Variants in CNTN5 observed in about 807,000 individuals in gnomAD.
The protein encoded by CNTN5 is contactin 5, also known as contactin-5.
Under a neutral mutation model 129.1 loss-of-function variants are expected in CNTN5, and 77 were observed. The observed-to-expected ratio is 0.60, with a 90% CI of 0.50 to 0.72. CNTN5 has a LOEUF of 0.72. CNTN5 is among the 30% of genes least tolerant of loss of function. CNTN5 has a pLI of 0.00. For missense variants in CNTN5, 1,478 were observed against 1,328.8 expected, an observed-to-expected ratio of 1.11 and a Z score of -1.75; for synonymous variants, 509 against 465.6, an observed-to-expected ratio of 1.09 and a Z score of -1.20.
chr11:99,885,944 C>T (rs889501851), intron 6 of CNTN5, among the ~76,000 whole-genome samples: 1 of 152,076 alleles, frequency 6.6e-6, no homozygotes, highest in Non-Finnish European at 1.5e-5. Context: ...TAATCATTAA[C>T]TTAAAACATT....
intron 1 of CNTN5, among the ~76,000 whole-genome samples, chr11:99,090,756 C>A (rs1866209913): frequency 6.7e-6 from 1 of 148,766 alleles, no homozygotes. Flanking sequence ...GGCGCGGTGG[C>A]TCACGCCTGT....
chr11:99,162,815 T>TATAA (rs1860680261), intron 1 of CNTN5, among the ~76,000 whole-genome samples: 1 of 152,198 alleles, frequency 6.6e-6, no homozygotes, highest in Non-Finnish European at 1.5e-5. Context: ...CTTGATACTG[T>TATAA]ATAAATAAAT....
intron 16 of CNTN5, among the ~76,000 whole-genome samples, chr11:100,230,293 A>G (rs996646951): frequency 4.6e-5 from 7 of 152,138 alleles, no homozygotes; most frequent in Non-Finnish European, 1.0e-4. Flanking sequence ...TATTGCTATT[A>G]TTGTATGGGA....
In CNTN5 at chr11:100,356,242, T is replaced by G. The variant is rs1241463482; in HGVS notation, c.*22T>G. 2.0e-6 allele frequency: 3 copies of G among 1,508,180 alleles called. No homozygotes were observed. The highest frequency in any genetic ancestry group is 1.8e-6 in the Non-Finnish European group (2 of 1,092,994). 93.4% of individuals were successfully genotyped at this position (1,508,180 alleles called of 1,614,324 possible). A position where few individuals can be genotyped will look rare whatever the true frequency, so the allele number is the denominator to read the frequency against. On this transcript the variant is annotated 3_prime_UTR_variant, in exon 25 of 25. Coordinates refer to ENST00000524871, the MANE Select transcript of CNTN5 (RefSeq NM_014361.4). ...GTGAAAACTGCTGACTTAATTTGCT[T>G]TTGTTTGCTTTAGCTTGGTAACAGC... is the stretch of plus-strand genomic sequence containing the variant.
At position 99,204,343 on chromosome 11, in the gene CNTN5, G is replaced by T. The variant is rs909561210; in HGVS notation, c.-209-121003G>T. Among the ~76,000 whole-genome samples the T allele has an allele frequency of 2.0e-5, 3 of 152,060 alleles. No homozygotes were observed. In the South Asian group the frequency reaches 6.2e-4, roughly 31 times the overall value. On this transcript the variant is annotated intron_variant, in intron 1 of 24. Coordinates refer to ENST00000524871, the MANE Select transcript of CNTN5 (RefSeq NM_014361.4). ...ATACCCCAAATTAATATAGTGTATTGCTCTCCACCTGATACTGTTTTTTGC... is the reference window on the plus strand; with the variant it reads ...ATACCCCAAATTAATATAGTGTATTTCTCTCCACCTGATACTGTTTTTTGC...
intron 13 of CNTN5, among the ~76,000 whole-genome samples, chr11:100,149,416 C>A (rs530626553): frequency 2.6e-5 from 4 of 152,058 alleles, no homozygotes; most frequent in Non-Finnish European, 5.9e-5. Context: ...TCTTTGTGAT[C>A]CATTCTGTTG....
chr11:100,092,719 C>T (rs1482301520), intron 13 of CNTN5, among the ~76,000 whole-genome samples: 2 of 152,130 alleles, frequency 1.3e-5, no homozygotes, highest in Non-Finnish European at 2.9e-5. Context: ...TTCCCCCATA[C>T]TGAGATCAAT....
intron 3 of CNTN5, among the ~76,000 whole-genome samples, chr11:99,814,573 C>T (rs1042305557): frequency 2.7e-5 from 4 of 149,772 alleles, no homozygotes; most frequent in Non-Finnish European, 4.4e-5. Flanking sequence ...GAGAGTTAGC[C>T]TGGGAAAAAA....
chr11:99,665,644 G>A (rs1305870806), intron 3 of CNTN5, among the ~76,000 whole-genome samples: 1 of 151,532 alleles, frequency 6.6e-6, no homozygotes, highest in Non-Finnish European at 1.5e-5. Context: ...CCAGCAACTT[G>A]CCCGGCTAAT....
chr11:99,904,753 C>A (rs1036407676), intron 6 of CNTN5, among the ~76,000 whole-genome samples: 1 of 152,132 alleles, frequency 6.6e-6, no homozygotes, highest in Non-Finnish European at 1.5e-5. Context: ...TTTACACTCC[C>A]ACCAACAGTG....
In CNTN5 at chr11:100,237,205, A is replaced by G. The variant is rs867303656; in HGVS notation, c.2005+12393A>G. Among the ~76,000 whole-genome samples the G allele has an allele frequency of 8.7e-5, 13 of 150,204 alleles. No homozygotes were observed. In the East Asian group the frequency reaches 1.2e-3, roughly 14 times the overall value. On this transcript the variant is annotated intron_variant, in intron 16 of 24. Transcript: ENST00000524871. Reference sequence around the variant, plus strand: ...CTCCGTCTCAAAAAAAAAAAAAAAAAAAAGAAAAGAAAGAATTCAAGTTCC... The same window carrying G: ...CTCCGTCTCAAAAAAAAAAAAAAAAGAAAGAAAAGAAAGAATTCAAGTTCC...
At chr11:99,885,047 G>C (rs1948866086) in intron 6 of CNTN5, among the ~76,000 whole-genome samples, 1 of 152,090 alleles carries the variant, frequency 6.6e-6, no homozygotes, top group Non-Finnish European at 1.5e-5. Context: ...CTCTGGGGGG[G>C]TGAGGAGAGT....
At chr11:100,091,478 G>C (rs1408578374) in intron 13 of CNTN5, among the ~76,000 whole-genome samples, 4 of 137,000 alleles carry the variant, frequency 2.9e-5, no homozygotes, top group Non-Finnish European at 6.1e-5. Context: ...GCCCAGGCTA[G>C]AGCGTACTGG....
chr11:99,870,921 C>A (rs1052715095), intron 6 of CNTN5, among the ~76,000 whole-genome samples: 3 of 151,980 alleles, frequency 2.0e-5, no homozygotes, highest in African/African-American at 7.2e-5. Flanking sequence ...ATATTTATAG[C>A]CATTATTTAG....
intron 13 of CNTN5, among the ~76,000 whole-genome samples, chr11:100,121,994 A>G (rs1368561140): frequency 6.6e-6 from 1 of 151,914 alleles, no homozygotes; most frequent in African/African-American, 2.4e-5. Context: ...AGAGAAAGAG[A>G]GAGAGGATTT....
intron 12 of CNTN5, among the ~76,000 whole-genome samples, chr11:100,072,543 A>T (rs1943962718): frequency 6.6e-6 from 1 of 152,200 alleles, no homozygotes; most frequent in African/African-American, 2.4e-5. Flanking sequence ...GATGTTTGTA[A>T]TGTAAAGAAA....
intron 18 of CNTN5, among the ~76,000 whole-genome samples, chr11:100,285,478 G>A (rs1950759653): frequency 6.6e-6 from 1 of 152,080 alleles, no homozygotes; most frequent in Admixed American, 6.5e-5. Context: ...ACCCGTGGCT[G>A]GCCTTCCCAT....
rs34384092 is a variant in CNTN5 at position 99,440,947 on chromosome 11, CA to C, written c.-70-115197del. On this transcript the variant is annotated intron_variant, in intron 2 of 24. Coordinates refer to ENST00000524871, the MANE Select transcript of CNTN5 (RefSeq NM_014361.4). ...TCCTACACTCTAGATGATATCATAA[CA>C]GAGCTGGTAAGACAATACTTTGGTT... Among the ~76,000 whole-genome samples, 1,119 of 152,190 alleles carry C rather than the reference CA, an allele frequency of 7.4e-3. 3 individuals are homozygous for C. The highest frequency in any genetic ancestry group is 0.012 in the Non-Finnish European group (814 of 68,018).
At chr11:99,034,845 C>A (rs1469318701) in intron 1 of CNTN5, among the ~76,000 whole-genome samples, 1 of 150,460 alleles carries the variant, frequency 6.6e-6, no homozygotes, top group Non-Finnish European at 1.5e-5. Flanking sequence ...TTTTCTAGTT[C>A]TTTTAATTGT....
Sources: gnomAD v4.1 joint callset for allele counts (sites outside exome capture counted in the v4.1 genomes callset) on GRCh38, gnomAD v4.1.1 for gene constraint, MANE v1.5 for transcripts, NCBI Gene and HGNC (gene_info 2026-07-23, HGNC 2026-07-21) for gene names.